GRIA4: variants seen among roughly 807,000 people sequenced by gnomAD.
GRIA4 encodes the protein glutamate receptor 4.
In GRIA4, 34 loss-of-function variants were observed where a neutral mutation model predicts 104.0. The observed-to-expected ratio is 0.33, with a 90% CI of 0.25 to 0.44. The LOEUF (loss-of-function observed/expected upper bound fraction) is 0.44. GRIA4 is among the 20% of genes least tolerant of loss of function. GRIA4 has a pLI of 1.00. For synonymous variants in GRIA4, 386 were observed against 381.9 expected (o/e 1.01, Z -0.13); for missense variants, 750 against 1,096.5 (o/e 0.68, Z 4.46).
intron 14 of GRIA4, among the ~76,000 whole-genome samples, chr11:105,943,186 T>C: frequency 6.6e-6 from 1 of 152,168 alleles, no homozygotes; most frequent in Middle Eastern, 3.2e-3. Context: ...CTGCTTTTAT[T>C]GCAGCATATC....
chr11:105,644,039 G>A (rs1011888501), intron 3 of GRIA4, among the ~76,000 whole-genome samples: 3 of 152,066 alleles, frequency 2.0e-5, no homozygotes, highest in African/African-American at 4.8e-5. Flanking sequence ...TTTTAACTGA[G>A]TTATCAATAT....
intron 4 of GRIA4, among the ~76,000 whole-genome samples, chr11:105,773,885 A>G (rs1266612813): frequency 1.3e-5 from 2 of 151,810 alleles, no homozygotes; most frequent in South Asian, 2.1e-4. Flanking sequence ...AAAAAAAAAA[A>G]GTAAGAGTAT....
At position 105,682,160 on chromosome 11, in the gene GRIA4, G is replaced by GAA. The variant is rs557850526; in HGVS notation, c.247+69726_247+69727insAA. Among the ~76,000 whole-genome samples the GAA allele has an allele frequency of 3.0e-3, 461 of 152,266 alleles. 2 individuals are homozygous for GAA. Among genetic ancestry groups the GAA allele is most frequent in the African/African-American group, 0.01 (419 of 41,566 alleles). On this transcript the variant is annotated intron_variant, in intron 3 of 16. Coordinates refer to ENST00000282499, the MANE Select transcript of GRIA4 (RefSeq NM_000829.4). Reference sequence around the variant, plus strand: ...ATTTCTACTAGACCGTGCTAGCCTAGTATATAGTTTACACTCAATAAAAAT... The same window carrying GAA: ...ATTTCTACTAGACCGTGCTAGCCTAGAATATATAGTTTACACTCAATAAAAAT...
intron 4 of GRIA4, among the ~76,000 whole-genome samples, chr11:105,823,306 CT>C (rs1402670624): frequency 6.6e-6 from 1 of 152,002 alleles, no homozygotes; most frequent in Non-Finnish European, 1.5e-5. Context: ...AGGTGGATTT[CT>C]TTTTTTTCTT....
chr11:105,685,382 C>T (rs1952847391), intron 3 of GRIA4, among the ~76,000 whole-genome samples: 1 of 152,172 alleles, frequency 6.6e-6, no homozygotes. Context: ...TCCACACTTA[C>T]CAGATTTTGA....
At chr11:105,637,756 C>A (rs1168884961) in intron 3 of GRIA4, among the ~76,000 whole-genome samples, 1 of 151,990 alleles carries the variant, frequency 6.6e-6, no homozygotes, top group Non-Finnish European at 1.5e-5. Flanking sequence ...TTTTTAATAA[C>A]TCATATTCGA....
chr11:105,735,149 T>C (rs1938853288), intron 3 of GRIA4, among the ~76,000 whole-genome samples: 2 of 152,050 alleles, frequency 1.3e-5, no homozygotes, highest in Non-Finnish European at 2.9e-5. Context: ...CATGAAATAT[T>C]ATTCAAAAAA....
In GRIA4 at chr11:105,694,983, G is replaced by C. The variant is rs929893334; in HGVS notation, c.248-57998G>C. On this transcript the variant is annotated intron_variant, in intron 3 of 16. Transcript: ENST00000282499. Reference sequence around the variant, plus strand: ...AAAAATCTAAACAGATATGGAATCTGGGGACTCAAGTTAGCAAAGTAACAT... The same window carrying C: ...AAAAATCTAAACAGATATGGAATCTCGGGACTCAAGTTAGCAAAGTAACAT... Among the ~76,000 whole-genome samples the C allele has an allele frequency of 1.8e-4, 27 of 152,118 alleles. 1 individual carries two copies. The highest frequency in any genetic ancestry group is 4.8e-4 in the African/African-American group (20 of 41,432).
chr11:105,794,522 C>CATAT (rs1436879359), intron 4 of GRIA4, among the ~76,000 whole-genome samples: 11 of 116,876 alleles, frequency 9.4e-5, no homozygotes, highest in African/African-American at 3.6e-4. Flanking sequence ...TACATATACA[C>CATAT]ACACACACAT....
At chr11:105,691,160 T>C (rs951726677) in intron 3 of GRIA4, among the ~76,000 whole-genome samples, 5 of 152,200 alleles carry the variant, frequency 3.3e-5, no homozygotes, top group African/African-American at 1.2e-4. Flanking sequence ...ATCAATTTTC[T>C]TTAATATAAA....
chr11:105,941,412 CACA>C (rs1554922835), intron 14 of GRIA4, among the ~76,000 whole-genome samples: 1 of 152,028 alleles, frequency 6.6e-6, no homozygotes, highest in African/African-American at 2.4e-5. Flanking sequence ...AATTTAAAGA[CACA>C]ACAACATCCC....
At chr11:105,768,473 A>G (rs994494697) in intron 4 of GRIA4, among the ~76,000 whole-genome samples, 1 of 152,144 alleles carries the variant, frequency 6.6e-6, no homozygotes, top group Non-Finnish European at 1.5e-5. Flanking sequence ...GCAGCTACAT[A>G]TTTCAAGTTT....
Position 105,972,002 on chromosome 11 carries a change from T to G in GRIA4, c.2383T>G (p.Cys795Gly), listed in dbSNP as rs1858717681. ...CAAATGGTGGTACGATAAAGGTGAATGTGGACCCAAGGACTCTGGAAGCAA... is the reference window on the plus strand; with the variant it reads ...CAAATGGTGGTACGATAAAGGTGAAGGTGGACCCAAGGACTCTGGAAGCAA... ...KNKWWYDKGE[C>G]GPKDSGSKDK... Residue 795 changes from cysteine to glycine, a missense_variant, in exon 15 of 17, where the codon TGT becomes GGT. Physicochemically the swap from Cys to Gly is radical, Grantham distance 159. Around this residue, in one of 3 missense-constraint regions of GRIA4, gnomAD observed 272 missense variants for 524.5 expected, o/e 0.52. Transcript: ENST00000282499. 1 of 1,612,374 alleles carries G rather than the reference T, an allele frequency of 6.2e-7. No individual in the cohort carries two copies. The highest frequency in any genetic ancestry group is 8.5e-7 in the Non-Finnish European group (1 of 1,178,748).
In GRIA4 at chr11:105,898,851, G is replaced by T. The variant is rs190091115; in HGVS notation, c.885+424G>T. On this transcript the variant is annotated intron_variant, in intron 7 of 16. Coordinates refer to ENST00000282499, the MANE Select transcript of GRIA4 (RefSeq NM_000829.4). ...TCTGCAAAAGTTCTTTCAAATTAAC[G>T]TGAAAAATCAGGTTGTTTTCATTGT... Among the ~76,000 whole-genome samples the T allele has an allele frequency of 4.9e-5, 5 of 102,700 alleles. No individual in the cohort carries two copies. In the East Asian group the frequency reaches 1.4e-3, roughly 29 times the overall value. The allele number at this position is 102,700 out of a possible 152,430, so 67.4% of individuals were successfully genotyped here. A position where few individuals can be genotyped will look rare whatever the true frequency, so the allele number is the denominator to read the frequency against.
chr11:105,629,646 T>C (rs964852157), intron 3 of GRIA4, among the ~76,000 whole-genome samples: 1 of 152,222 alleles, frequency 6.6e-6, no homozygotes, highest in African/African-American at 2.4e-5. Flanking sequence ...AAAGCATATA[T>C]TAACACTTTT....
chr11:105,702,503 A>G lies in GRIA4; in HGVS notation c.248-50478A>G. On this transcript the variant is annotated intron_variant, in intron 3 of 16. Coordinates refer to ENST00000282499, the MANE Select transcript of GRIA4 (RefSeq NM_000829.4). ...CAAAGAATAGGAAATATCTACAACC[A>G]ATGGTACCTAGATGGGAAAGGGCAT... Among the ~76,000 whole-genome samples, 2 of 151,888 alleles carry G rather than the reference A, an allele frequency of 1.3e-5. 1 individual carries two copies. The highest frequency in any genetic ancestry group is 2.9e-5 in the Non-Finnish European group (2 of 67,964).
chr11:105,731,229 C>T (rs759244609), intron 3 of GRIA4, among the ~76,000 whole-genome samples: 16 of 152,272 alleles, frequency 1.1e-4, no homozygotes, highest in East Asian at 1.9e-4. Flanking sequence ...TATGAACATA[C>T]GCTTTTCAAA....
intron 11 of GRIA4, among the ~76,000 whole-genome samples, chr11:105,920,706 A>G (rs934579047): frequency 2.6e-5 from 4 of 152,192 alleles, no homozygotes; most frequent in African/African-American, 7.2e-5. Context: ...TCCCAAAGTT[A>G]TGCAGTTCTC....
chr11:105,765,866 T>C (rs188847369), intron 4 of GRIA4, among the ~76,000 whole-genome samples: 1 of 152,276 alleles, frequency 6.6e-6, no homozygotes, highest in African/African-American at 2.4e-5. Context: ...ACTTAGAAAC[T>C]TCATTGAAAA....
Sources: allele counts gnomAD v4.1 joint callset (sites outside exome capture counted in the v4.1 genomes callset), GRCh38; gene constraint gnomAD v4.1.1; regional missense constraint gnomAD v4.1.1; transcripts MANE v1.5; gene names NCBI Gene and HGNC (gene_info 2026-07-23, HGNC 2026-07-21).